The following FGF10 variants were observed in gnomAD, a reference collection of about 807,000 sequenced individuals.
FGF10 encodes FGF-10.
In FGF10, 2 loss-of-function variants were observed where a neutral mutation model predicts 19.8. The observed-to-expected ratio is 0.10, with a 90% confidence interval of 0.04 to 0.32. The LOEUF (loss-of-function observed/expected upper bound fraction) is 0.32, where lower values mean the gene tolerates loss of function less well. Ranked by LOEUF, FGF10 falls within the 10% of genes least tolerant of loss-of-function variation. The pLI is 1.00. For synonymous variants in FGF10, 112 were observed against 94.0 expected, an observed-to-expected ratio of 1.19 and a Z score of -1.10; for missense variants, 191 against 246.3, an observed-to-expected ratio of 0.78 and a Z score of 1.50.
intron 2 of FGF10, among the ~76,000 whole-genome samples, chr5:44,308,417 G>A (rs1485313524): frequency 6.6e-6 from 1 of 151,934 alleles, no homozygotes; most frequent in East Asian, 1.9e-4. Flanking sequence ...CTAAATTAGT[G>A]TTAGCTGGCT....
At chr5:44,318,807 T>C (rs1740415273) in intron 1 of FGF10, among the ~76,000 whole-genome samples, 1 of 152,170 alleles carries the variant, frequency 6.6e-6, no homozygotes, top group African/African-American at 2.4e-5. Context: ...TTATTTTACA[T>C]TATTTTGAGA....
chr5:44,323,362 T>A (rs1488371319), intron 1 of FGF10, among the ~76,000 whole-genome samples: 1 of 152,196 alleles, frequency 6.6e-6, no homozygotes, highest in Non-Finnish European at 1.5e-5. Context: ...TTCCTGGTGC[T>A]TAAAAATTGT....
intron 1 of FGF10, among the ~76,000 whole-genome samples, chr5:44,316,691 A>G (rs1033928690): frequency 5.3e-5 from 8 of 152,198 alleles, no homozygotes; most frequent in Non-Finnish European, 8.8e-5. Flanking sequence ...GCTTAACAAC[A>G]AGAAAAATTT....
At chr5:44,385,127 A>C (rs1456259583) in intron 1 of FGF10, among the ~76,000 whole-genome samples, 2 of 152,178 alleles carry the variant, frequency 1.3e-5, no homozygotes, top group Non-Finnish European at 2.9e-5. Context: ...ACACATATCT[A>C]GTGACAGATA....
chr5:44,353,698 TAG>T (rs1412093487), intron 1 of FGF10, among the ~76,000 whole-genome samples: 6 of 151,550 alleles, frequency 4.0e-5, no homozygotes, highest in African/African-American at 1.4e-4. Flanking sequence ...AGGAAAGTGG[TAG>T]AAGTTCCACC....
At chr5:44,362,044 A>G (rs968117003) in intron 1 of FGF10, among the ~76,000 whole-genome samples, 1 of 151,638 alleles carries the variant, frequency 6.6e-6, no homozygotes, top group Non-Finnish European at 1.5e-5. Flanking sequence ...ATACTCTCTA[A>G]AAAGCCATGC....
chr5:44,376,905 A>T (rs1741880182), intron 1 of FGF10, among the ~76,000 whole-genome samples: 1 of 151,940 alleles, frequency 6.6e-6, no homozygotes, highest in African/African-American at 2.4e-5. Flanking sequence ...AGTAAAGGGC[A>T]AGTTTAAATA....
chr5:44,353,519 C>T (rs10060548), intron 1 of FGF10, among the ~76,000 whole-genome samples: 99,978 of 151,294 alleles, frequency 0.66, 33,236 homozygotes, highest in South Asian at 0.71. Flanking sequence ...TTTTAAATTG[C>T]GTCAAGCCCC....
Position 44,332,949 on chromosome 5 carries a change from C to T in FGF10, c.326-22419G>A, listed in dbSNP as rs1343777420. On this transcript the variant is annotated intron_variant, in intron 1 of 2. Transcript: ENST00000264664. ...TTAAATCCACCAGATTGAAAGGGCTCATGTGGCAAAACTACATAGTTCTTG... is the reference window on the plus strand; with the variant it reads ...TTAAATCCACCAGATTGAAAGGGCTTATGTGGCAAAACTACATAGTTCTTG... Among the ~76,000 whole-genome samples, 5 of 152,012 alleles carry T rather than the reference C, an allele frequency of 3.3e-5. 1 individual carries two copies. In the South Asian group the frequency reaches 1.0e-3, roughly 32 times the overall value.
At chr5:44,310,616 T>G (rs1049725853) in intron 1 of FGF10, 86 bp from the exon 2 acceptor site, 15 of 1,016,262 alleles carry the variant, frequency 1.5e-5, no homozygotes, top group Non-Finnish European at 6.0e-6. Flanking sequence ...TATTGAGTTG[T>G]TTTTTGTGTG....
chr5:44,333,511 C>T (rs73755412), intron 1 of FGF10, among the ~76,000 whole-genome samples: 91 of 152,238 alleles, frequency 6.0e-4, no homozygotes, highest in African/African-American at 2.1e-3. Flanking sequence ...ATTTATGGAG[C>T]ATCACTATGT....
chr5:44,346,063 A>G, intron 1 of FGF10, among the ~76,000 whole-genome samples: 1 of 151,774 alleles, frequency 6.6e-6, no homozygotes, highest in Non-Finnish European at 1.5e-5. Context: ...TCTAATAGTG[A>G]TCTTATCTCC....
rs1740037406 is a variant in FGF10, at chr5:44,304,794, A to T, written c.*201T>A. Reference sequence around the variant, plus strand: ...CATTCGATCTGCCTATATCTTGATTATAAGACATGACACAGAACTAATTAA... The same window carrying T: ...CATTCGATCTGCCTATATCTTGATTTTAAGACATGACACAGAACTAATTAA... On this transcript the variant is annotated 3_prime_UTR_variant, in exon 3 of 3. Coordinates refer to ENST00000264664, the MANE Select transcript of FGF10 (RefSeq NM_004465.2). 2 of 587,488 alleles carry T rather than the reference A, an allele frequency of 3.4e-6. No individual in the cohort carries two copies. Among genetic ancestry groups the T allele is most frequent in the East Asian group, 5.8e-5 (2 of 34,370 alleles). 36.4% of individuals were successfully genotyped at this position (587,488 alleles called of 1,614,324 possible). A position where few individuals can be genotyped will look rare whatever the true frequency, so the allele number is the denominator to read the frequency against.
At chr5:44,347,842 T>C (rs1741122364) in intron 1 of FGF10, among the ~76,000 whole-genome samples, 1 of 151,758 alleles carries the variant, frequency 6.6e-6, no homozygotes, top group Non-Finnish European at 1.5e-5. Flanking sequence ...TTATTGTTCC[T>C]ATAGAAAAAC....
At chr5:44,328,659 G>A (rs545283646) in intron 1 of FGF10, among the ~76,000 whole-genome samples, 36 of 152,258 alleles carry the variant, frequency 2.4e-4, no homozygotes, top group Admixed American at 2.0e-3. Flanking sequence ...ATGCTCAGAA[G>A]GCTGAGGTAG....
chr5:44,340,907 A>T (rs1740955996), intron 1 of FGF10, among the ~76,000 whole-genome samples: 1 of 151,844 alleles, frequency 6.6e-6, no homozygotes, highest in Non-Finnish European at 1.5e-5. Context: ...ACAAAACAAA[A>T]GAAAGAAAGA....
In FGF10 at chr5:44,388,554, G is replaced by A. The variant is rs1742165178; in HGVS notation, c.129C>T (p.Asp43=). 4 of 1,614,178 alleles carry A rather than the reference G, an allele frequency of 2.5e-6. No homozygotes were observed. Among genetic ancestry groups the A allele is most frequent in the Non-Finnish European group, 3.4e-6 (4 of 1,180,050 alleles). ...VPVTCQALGQ[D]MVSPEATNSS... ...AGTTGGTGGCCTCTGGTGACACCAT[G>A]TCCTGACCAAGGGCTTGGCAGGTGA... Residue 43 remains aspartate (D), a synonymous_variant, in exon 1 of 3, where the codon GAC becomes GAT. Coordinates refer to ENST00000264664, the MANE Select transcript of FGF10 (RefSeq NM_004465.2).
intron 1 of FGF10, among the ~76,000 whole-genome samples, chr5:44,329,955 C>T (rs970368894): frequency 2.0e-5 from 3 of 152,160 alleles, no homozygotes; most frequent in African/African-American, 4.8e-5. Flanking sequence ...TCTGCCAGTA[C>T]AAAGCTGGTC....
In FGF10 at chr5:44,302,218, CCAAA is replaced by C. The variant is rs1044332505; in HGVS notation, c.*2773_*2776del. Among the ~76,000 whole-genome samples, 22 of 151,932 alleles carry C rather than the reference CCAAA, an allele frequency of 1.4e-4. No individual in the cohort carries two copies. The highest frequency in any genetic ancestry group is 4.1e-4 in the African/African-American group (17 of 41,442). The stretch of plus-strand genomic sequence containing the variant: ...TGCAAGAGAATGTCATTACTCCTTA[CCAAA>C]CAATCTTTCTTTCTCTCTCCTTCCT... On this transcript the variant is annotated 3_prime_UTR_variant, in exon 3 of 3. Coordinates refer to ENST00000264664, the MANE Select transcript of FGF10 (RefSeq NM_004465.2).
Sources: allele counts gnomAD v4.1 joint callset (sites outside exome capture counted in the v4.1 genomes callset), GRCh38; gene constraint gnomAD v4.1.1; transcripts MANE v1.5; gene names NCBI Gene and HGNC (gene_info 2026-07-23, HGNC 2026-07-21).